Variants in HDX observed in about 807,000 individuals in gnomAD.
The protein encoded by HDX is chromosome X open reading frame 43.
Under a neutral mutation model 45.2 loss-of-function variants are expected in HDX, and 19 were observed. The ratio of observed to expected loss-of-function variants is 0.42; its 90% confidence interval spans 0.29 to 0.62. The LOEUF is 0.62. HDX is among the 20% of genes least tolerant of loss of function. The pLI, the probability that HDX is intolerant of heterozygous loss-of-function variation, is 0.20. For synonymous variants in HDX, 188 were observed against 172.8 expected (o/e 1.09, Z -0.69); for missense variants, 532 against 493.9 (o/e 1.08, Z -0.73).
At chrX:84,487,472 A>T (rs894978074) in intron 2 of HDX, among the ~76,000 whole-genome samples, 2 of 109,611 alleles carry the variant, frequency 1.8e-5, no homozygotes, top group Non-Finnish European at 3.9e-5. Context: ...TACTTTTTTT[A>T]AAAAACTTCT....
intron 5 of HDX, among the ~76,000 whole-genome samples, chrX:84,400,705 T>C (rs953452809): frequency 9.0e-6 from 1 of 111,301 alleles, no homozygotes; most frequent in Non-Finnish European, 1.9e-5. Context: ...AAAACTACTT[T>C]AAATTCCATA....
At chrX:84,348,031 T>C (rs1437800496) in intron 6 of HDX, among the ~76,000 whole-genome samples, 9 of 111,457 alleles carry the variant, frequency 8.1e-5, no homozygotes. Context: ...TCTCAGTTAT[T>C]ATGGTTTTGA....
chrX:84,462,316 C>G (rs2040255589), intron 4 of HDX, among the ~76,000 whole-genome samples: 1 of 111,945 alleles, frequency 8.9e-6, no homozygotes, highest in African/African-American at 3.2e-5. Context: ...TACGTATACA[C>G]AATGGAGAAC....
At chrX:84,409,241 G>A (rs2038919432) in intron 5 of HDX, among the ~76,000 whole-genome samples, 1 of 111,200 alleles carries the variant, frequency 9.0e-6, no homozygotes, top group Non-Finnish European at 1.9e-5. Flanking sequence ...TGGAGAGGAT[G>A]TGGAGAAATA....
chrX:84,370,778 C>T (rs1220024109), intron 5 of HDX, among the ~76,000 whole-genome samples: 1 of 112,107 alleles, frequency 8.9e-6, no homozygotes, highest in Non-Finnish European at 1.9e-5. Context: ...GAACAAGACC[C>T]CCTATTATCA....
At chrX:84,338,578 T>TA (rs1415022941) in intron 7 of HDX, among the ~76,000 whole-genome samples, 2 of 110,800 alleles carry the variant, frequency 1.8e-5, no homozygotes, top group Non-Finnish European at 3.8e-5. Flanking sequence ...TGCTACTTTT[T>TA]ATCATTTGAC....
intron 3 of HDX, among the ~76,000 whole-genome samples, chrX:84,469,988 C>T (rs1490340164): frequency 1.8e-5 from 2 of 111,626 alleles, no homozygotes; most frequent in Admixed American, 1.9e-4. Context: ...TAAAAACATA[C>T]TAAAGGTAGG....
chrX:84,405,664 A>ATGTGTGTGTGTG (rs35051495), intron 5 of HDX, among the ~76,000 whole-genome samples: 8 of 87,287 alleles, frequency 9.2e-5, no homozygotes, highest in Non-Finnish European at 1.8e-4. Context: ...ATATATATAT[A>ATGTGTGTGTGTG]TGTGTGTGTG....
At chrX:84,371,807 G>A (rs993107335) in intron 5 of HDX, among the ~76,000 whole-genome samples, 12 of 111,082 alleles carry the variant, frequency 1.1e-4, no homozygotes, top group African/African-American at 3.3e-4. Flanking sequence ...ATTAAATGTG[G>A]GGGCCTAGTA....
intron 5 of HDX, among the ~76,000 whole-genome samples, chrX:84,390,518 C>A (rs2038416912): frequency 9.0e-6 from 1 of 111,592 alleles, no homozygotes; most frequent in East Asian, 2.8e-4. Context: ...CTTTGTATTA[C>A]CCCTAGAATG....
At position 84,344,442 on chromosome X, in the gene HDX, G is replaced by A; in HGVS notation, c.1468C>T (p.Arg490Ter). ...CEIVRTWIGNRRRKYRLMGIE... is the reference protein window; with the variant it reads ...CEIVRTWIGN Reference sequence around the variant, plus strand: ...CCCATTAAACGATATTTCCTTCTTCGATTCCCAATCCAAGTCTTTATAAGA... The same window carrying A: ...CCCATTAAACGATATTTCCTTCTTCAATTCCCAATCCAAGTCTTTATAAGA... Residue 490 changes from arginine to a stop codon, truncating the protein, a stop_gained, in exon 7 of 11, where the codon CGA (arginine) becomes TGA (stop). Transcript: ENST00000373177. LOFTEE classifies it high-confidence loss of function. 1 of 1,196,584 alleles carries A rather than the reference G, an allele frequency of 8.4e-7. No homozygotes were observed. Among genetic ancestry groups the A allele is most frequent in the Non-Finnish European group, 1.1e-6 (1 of 882,858 alleles).
intron 8 of HDX, among the ~76,000 whole-genome samples, chrX:84,334,617 G>A (rs1412376464): frequency 1.0e-5 from 1 of 99,605 alleles, no homozygotes; most frequent in African/African-American, 3.7e-5. Flanking sequence ...TGACCAATTA[G>A]CTCCAACCAT....
intron 2 of HDX, among the ~76,000 whole-genome samples, chrX:84,484,578 A>G (rs1312622408): frequency 8.9e-6 from 1 of 111,804 alleles, no homozygotes; most frequent in Admixed American, 9.5e-5. Flanking sequence ...ATTCAAGATG[A>G]GATTTTGGTG....
intron 5 of HDX, among the ~76,000 whole-genome samples, chrX:84,375,289 T>C (rs2038021946): frequency 9.0e-6 from 1 of 111,203 alleles, no homozygotes; most frequent in African/African-American, 3.3e-5. Flanking sequence ...ACTTTTACAC[T>C]GCTGGTGGGA....
At chrX:84,391,069 C>T (rs952250692) in intron 5 of HDX, among the ~76,000 whole-genome samples, 3 of 112,026 alleles carry the variant, frequency 2.7e-5, no homozygotes, top group African/African-American at 9.7e-5. Context: ...TTGTATGTAA[C>T]TGTATATTTG....
intron 4 of HDX, among the ~76,000 whole-genome samples, chrX:84,461,755 A>G (rs1338153426): frequency 1.3e-4 from 14 of 111,684 alleles, no homozygotes; most frequent in Non-Finnish European, 2.5e-4. Context: ...AAAAATACCT[A>G]CAAACTACCT....
intron 5 of HDX, among the ~76,000 whole-genome samples, chrX:84,429,291 A>G (rs2039451821): frequency 9.1e-6 from 1 of 110,488 alleles, no homozygotes. Context: ...ATATCTTAGC[A>G]TATTAGAAAT....
chrX:84,376,928 C>T (rs1166583792), intron 5 of HDX, among the ~76,000 whole-genome samples: 1 of 111,675 alleles, frequency 9.0e-6, no homozygotes, highest in Non-Finnish European at 1.9e-5. Context: ...GGAGTGGTTA[C>T]AGCAGACCTT....
chrX:84,437,917 C>A (rs5028143), intron 5 of HDX, among the ~76,000 whole-genome samples: 42,727 of 109,891 alleles, frequency 0.39, 6,897 homozygotes, highest in Middle Eastern at 0.56. Context: ...TGGGAGAGAA[C>A]GTCCTGGTCT....
Sources: gnomAD v4.1 joint callset for allele counts (sites outside exome capture counted in the v4.1 genomes callset) on GRCh38, gnomAD v4.1.1 for gene constraint, MANE v1.5 for transcripts, NCBI Gene and HGNC (gene_info 2026-07-23, HGNC 2026-07-21) for gene names.